The following KHNYN variants were observed in gnomAD, a reference collection of about 807,000 sequenced individuals.
The protein encoded by KHNYN is KH and NYN domain containing.
Under a neutral mutation model 62.7 loss-of-function variants are expected in KHNYN, and 42 were observed. The ratio of observed to expected loss-of-function variants is 0.67; its 90% CI spans 0.52 to 0.87. KHNYN has a LOEUF of 0.87. KHNYN is among the 40% of genes least tolerant of loss of function. KHNYN has a pLI of 0.00. For synonymous variants in KHNYN, 347 were observed against 345.6 expected, an observed-to-expected ratio of 1.00 and a Z score of -0.04; for missense variants, 829 against 874.1, an observed-to-expected ratio of 0.95 and a Z score of 0.65.
rs1467669903 is a variant in KHNYN at position 24,432,773 on chromosome 14, G to A, written c.1401G>A (p.Gln467=). The change falls in exon 4 of 8, where the codon CAG becomes CAA. Residue 467 remains glutamine (Q), a synonymous_variant. Coordinates refer to ENST00000553935, the MANE Select transcript of KHNYN (RefSeq NM_015299.3). This position sits in a 1 kb window ranked among gnomAD's most constrained non-coding sequence, Gnocchi z 5.6. ...FSSRGIAIAV[Q]YFWDRGHRDI... ...GCCGGGGCATTGCCATTGCTGTGCAGTACTTCTGGGACCGTGGTCACCGTG... is the reference window on the plus strand; with the variant it reads ...GCCGGGGCATTGCCATTGCTGTGCAATACTTCTGGGACCGTGGTCACCGTG... 1 of 1,614,214 alleles carries A rather than the reference G, an allele frequency of 6.2e-7. No homozygotes were observed. The highest frequency in any genetic ancestry group is 1.7e-5 in the Admixed American group (1 of 60,032).
chr14:24,427,616 A>T, upstream of KHNYN: 1 of 675,240 alleles, frequency 1.5e-6, no homozygotes, highest in South Asian at 1.8e-5. The surrounding 1 kb of genome is among the most constrained non-coding windows in gnomAD (Gnocchi z 4.4). Context: ...TGGTCTGGAG[A>T]TGCCACAGCT....
intron 7 of KHNYN, 77 bp from the exon 8 acceptor site, chr14:24,436,959 T>A: frequency 6.5e-7 from 1 of 1,533,132 alleles, no homozygotes; most frequent in Middle Eastern, 1.8e-4. Flanking sequence ...GCAGGACAAT[T>A]ACGAGAGGGG....
In KHNYN at chr14:24,432,223, T is replaced by C. The variant is rs781038965; in HGVS notation, c.962T>C (p.Val321Ala). The C allele has an allele frequency of 1.9e-6, 3 of 1,603,728 alleles. No homozygotes were observed. The highest frequency in any genetic ancestry group is 2.6e-6 in the Non-Finnish European group (3 of 1,173,960). ...EIALGGGGFC[V>A]HREPPGAHGS... ...GCTCTGGGAGGAGGAGGGTTCTGTG[T>C]CCACCGTGAGCCTCCCGGTGCCCAT... Residue 321 changes from valine to alanine, a missense_variant, in exon 3 of 8, where the codon GTC (valine) becomes GCC (alanine). Transcript: ENST00000553935. The surrounding 1 kb of genome is among the most constrained non-coding windows in gnomAD (Gnocchi z 5.6).
At chr14:24,427,981 G>T, upstream of KHNYN, 1 of 1,612,998 alleles carries the variant, frequency 6.2e-7, no homozygotes, top group Non-Finnish European at 8.5e-7. The surrounding 1 kb of genome is among the most constrained non-coding windows in gnomAD (Gnocchi z 4.4). Context: ...TCAGCATCAG[G>T]CTCACCTGGG....
In KHNYN at chr14:24,441,710, G is replaced by A; in HGVS notation, c.*4425G>A. On this transcript the variant is annotated 3_prime_UTR_variant, in exon 8 of 8. Transcript: ENST00000553935. ...ACTAAGACCCAGGCCTTGGGGGGTT[G>A]TGGGGCTTTGGTGATGGCTTTAGCC... is the stretch of plus-strand genomic sequence containing the variant. 6.3e-7 allele frequency: 1 copy of A among 1,597,068 alleles called. No homozygotes were observed. The highest frequency in any genetic ancestry group is 1.1e-5 in the South Asian group (1 of 88,188).
intron 7 of KHNYN, among the ~76,000 whole-genome samples, 170 bp from the exon 8 acceptor site, chr14:24,436,866 C>T (rs917754859): frequency 2.0e-5 from 3 of 152,226 alleles, no homozygotes; most frequent in African/African-American, 7.2e-5. Context: ...AACGGCCCAT[C>T]TTCCCTTCAG....
Position 24,432,012 on chromosome 14 carries a change from G to A in KHNYN, c.751G>A (p.Asp251Asn). 2 of 1,610,656 alleles carry A rather than the reference G, an allele frequency of 1.2e-6. No individual in the cohort carries two copies. The highest frequency in any genetic ancestry group is 1.7e-6 in the Non-Finnish European group (2 of 1,177,756). ...GPGDCRGARG[D>N]TYAVEKEGGK... ...CGGAGATTGCAGGGGAGCAAGGGGA[G>A]ACACTTACGCTGTGGAGAAGGAGGG... The change falls in exon 3 of 8, where the codon GAC (aspartate) becomes AAC (asparagine). Residue 251 changes from aspartate (D) to asparagine (N), a missense_variant. This residue lies in a region of KHNYN where 559 missense variants were observed against 527.0 expected (regional missense o/e 1.06). Coordinates refer to ENST00000553935, the MANE Select transcript of KHNYN (RefSeq NM_015299.3). This position sits in a 1 kb window ranked among gnomAD's most constrained non-coding sequence, Gnocchi z 5.6.
Position 24,441,529 on chromosome 14 carries a change from G to A in KHNYN, c.*4244G>A. ...AATTTCTTAGTGAAAGTACACAAAG[G>A]TTAGGAGAAACATGCATGGATCAAG... On this transcript the variant is annotated 3_prime_UTR_variant, in exon 8 of 8. Coordinates refer to ENST00000553935, the MANE Select transcript of KHNYN (RefSeq NM_015299.3). 1.5e-6 allele frequency: 1 copy of A among 650,746 alleles called. No homozygotes were observed. The highest frequency in any genetic ancestry group is 2.5e-6 in the Non-Finnish European group (1 of 402,304). 40.3% of individuals were successfully genotyped at this position (650,746 alleles called of 1,614,324 possible). A position where few individuals can be genotyped will look rare whatever the true frequency, so the allele number is the denominator to read the frequency against.
At position 24,440,613 on chromosome 14, in the gene KHNYN, G is replaced by A. The variant is rs753432862; in HGVS notation, c.*3328G>A. The A allele has an allele frequency of 1.4e-6, 2 of 1,388,712 alleles. No homozygotes were observed. Among genetic ancestry groups the A allele is most frequent in the South Asian group, 2.6e-5 (2 of 78,118 alleles). The allele number at this position is 1,388,712 out of a possible 1,614,324, so 86.0% of individuals were successfully genotyped here. On this transcript the variant is annotated 3_prime_UTR_variant, in exon 8 of 8. Coordinates refer to ENST00000553935, the MANE Select transcript of KHNYN (RefSeq NM_015299.3). ...ATGCTGACTTGGCTCTGTAACAGAA[G>A]TGAGCAGTATGGCTGTCTTTAAGAC...
chr14:24,429,508 C>T (rs1308168291), upstream of KHNYN: 3 of 460,850 alleles, frequency 6.5e-6, no homozygotes, highest in African/African-American at 4.0e-5. Context: ...TTCAAAATCC[C>T]CCACAAATCA....
Position 24,441,064 on chromosome 14 carries a change from C to T in KHNYN, c.*3779C>T, listed in dbSNP as rs1222393294. ...GAGACAGAGCCATTTGGATATTTTC[C>T]CCTTGAACTTCTCCATGACCTGAAG... On this transcript the variant is annotated 3_prime_UTR_variant, in exon 8 of 8. Transcript: ENST00000553935. 1.0e-6 allele frequency: 1 copy of T among 955,338 alleles called. No homozygotes were observed. Among genetic ancestry groups the T allele is most frequent in the South Asian group, 1.4e-5 (1 of 71,810 alleles). 59.2% of individuals were successfully genotyped at this position (955,338 alleles called of 1,614,324 possible).
chr14:24,428,772 C>T (rs750363924), upstream of KHNYN: 1 of 1,597,556 alleles, frequency 6.3e-7, no homozygotes, highest in Admixed American at 1.7e-5. Context: ...AAGTAGATGG[C>T]CCCACTGGTG....
intron 5 of KHNYN, among the ~76,000 whole-genome samples, chr14:24,434,914 C>A (rs1246530673): frequency 6.6e-6 from 1 of 152,170 alleles, no homozygotes; most frequent in Non-Finnish European, 1.5e-5. Context: ...CCGAAAGAAA[C>A]CATAAATCAA....
rs781628334 is a variant in KHNYN at position 24,437,231 on chromosome 14, A to G, written c.1983A>G (p.Pro661=). 3 of 1,614,196 alleles carry G rather than the reference A, an allele frequency of 1.9e-6. No homozygotes were observed. The highest frequency in any genetic ancestry group is 2.2e-5 in the South Asian group (2 of 91,080). The change falls in exon 8 of 8, where the codon CCA becomes CCG. Residue 661 remains proline (P), a synonymous_variant. Coordinates refer to ENST00000553935, the MANE Select transcript of KHNYN (RefSeq NM_015299.3). The surrounding 1 kb of genome is among the most constrained non-coding windows in gnomAD (Gnocchi z 5.5). The stretch of plus-strand genomic sequence containing the variant: ...TGGACTTCATCCTGCAGCGGGAGCC[A>G]TACTGCCGGGACATCAACCAACTGT... ...HKVDFILQRE[P]YCRDINQLSE...
Position 24,436,118 on chromosome 14 carries a change from A to G in KHNYN, c.1624A>G (p.Asn542Asp), listed in dbSNP as rs769314915. 6.2e-7 allele frequency: 1 copy of G among 1,614,192 alleles called. No individual in the cohort carries two copies. Among genetic ancestry groups the G allele is most frequent in the East Asian group, 2.2e-5 (1 of 44,878 alleles). Reference sequence around the variant, plus strand: ...AGAGACAGATGGGATAATTGTCTCCAATGACCAGTTCCGGGACCTGGCGGA... The same window carrying G: ...AGAGACAGATGGGATAATTGTCTCCGATGACCAGTTCCGGGACCTGGCGGA... ...AEETDGIIVS[N>D]DQFRDLAEES... The change falls in exon 6 of 8, where the codon AAT becomes GAT. Residue 542 changes from asparagine (N) to aspartate (D), a missense_variant. Asn to Asp is a conservative substitution (Grantham distance 23). Coordinates refer to ENST00000553935, the MANE Select transcript of KHNYN (RefSeq NM_015299.3).
upstream of KHNYN, chr14:24,429,261 C>T (rs1292594534): frequency 5.7e-6 from 4 of 704,092 alleles, no homozygotes; most frequent in Non-Finnish European, 1.0e-5. Flanking sequence ...CTTGGCAGAG[C>T]ATGCAGTGAC....
upstream of KHNYN, chr14:24,427,940 T>C (rs766031762): frequency 1.9e-6 from 3 of 1,613,820 alleles, no homozygotes; most frequent in Non-Finnish European, 2.5e-6. This position sits in a 1 kb window ranked among gnomAD's most constrained non-coding sequence, Gnocchi z 4.4. Context: ...GTCAGGATCA[T>C]TGGCAAAGGC....
chr14:24,437,885 G>A lies in KHNYN; in HGVS notation c.*600G>A, dbSNP rs2043232624. 6.6e-6 allele frequency: 1 copy of A among 152,180 alleles called. No individual in the cohort carries two copies. Among genetic ancestry groups the A allele is most frequent in the Admixed American group, 6.5e-5 (1 of 15,280 alleles). The allele number at this position is 152,180 out of a possible 1,614,324, so 9.4% of individuals were successfully genotyped here. On this transcript the variant is annotated 3_prime_UTR_variant, in exon 8 of 8. Coordinates refer to ENST00000553935, the MANE Select transcript of KHNYN (RefSeq NM_015299.3). The surrounding 1 kb of genome is among the most constrained non-coding windows in gnomAD (Gnocchi z 5.5). ...GCTTTACTTCTGCCTACAAATCAGG[G>A]GTAAAAATACCTGTTGGGAGGAGAA...
Position 24,441,228 on chromosome 14 carries a change from C to A in KHNYN, c.*3943C>A. 2.0e-6 allele frequency: 1 copy of A among 494,244 alleles called. No homozygotes were observed. Among genetic ancestry groups the A allele is most frequent in the African/African-American group, 1.9e-5 (1 of 51,662 alleles). 30.6% of individuals were successfully genotyped at this position (494,244 alleles called of 1,614,324 possible). On this transcript the variant is annotated 3_prime_UTR_variant, in exon 8 of 8. Transcript: ENST00000553935. Reference sequence around the variant, plus strand: ...CATTTATTAACTCTCTGACTTGATGCAAGTTACTTAACCTCTCTGTATAGA... The same window carrying A: ...CATTTATTAACTCTCTGACTTGATGAAAGTTACTTAACCTCTCTGTATAGA...
Sources: gnomAD v4.1 joint callset for allele counts (sites outside exome capture counted in the v4.1 genomes callset) on GRCh38, gnomAD v4.1.1 for gene constraint, gnomAD v4.1.1 regional missense constraint, Gnocchi (gnomAD v3.1) non-coding constraint, MANE v1.5 for transcripts, NCBI Gene and HGNC (gene_info 2026-07-23, HGNC 2026-07-21) for gene names.